RYR3: variants seen among roughly 807,000 people sequenced by gnomAD.
RYR3 encodes the protein ryanodine receptor 3.
A neutral mutation model predicts 584.3 loss-of-function variants in RYR3; 207 were observed. That is an observed-to-expected ratio of 0.35 (90% CI 0.32 to 0.40). The LOEUF (loss-of-function observed/expected upper bound fraction) is 0.40. Among genes scored for constraint, RYR3 ranks in the 10% least tolerant of loss-of-function variants. The pLI is 1.00. For missense variants in RYR3, 5,616 were observed against 6,089.2 expected (o/e 0.92, Z 2.59); for synonymous variants, 2,416 against 2,248.5 (o/e 1.07, Z -2.11).
chr15:33,603,449 A>C (rs1029617501), intron 18 of RYR3, 85 bp downstream of exon 18: 2 of 1,367,112 alleles, frequency 1.5e-6, no homozygotes, highest in African/African-American at 2.9e-5. Context: ...GACCACTTCC[A>C]TTTGAAATGA....
At chr15:33,544,298 A>G (rs1329152965) in intron 8 of RYR3, among the ~76,000 whole-genome samples, 1 of 152,164 alleles carries the variant, frequency 6.6e-6, no homozygotes, top group African/African-American at 2.4e-5. Flanking sequence ...CATCAAAGGA[A>G]CAGAACATAA....
intron 3 of RYR3, among the ~76,000 whole-genome samples, chr15:33,510,952 A>G (rs1231844628): frequency 2.0e-5 from 3 of 152,160 alleles, no homozygotes; most frequent in African/African-American, 7.2e-5. Context: ...TCATTTTTGG[A>G]CTGGCCTTTT....
chr15:33,599,984 G>A (rs115002831), intron 16 of RYR3, among the ~76,000 whole-genome samples: 1,642 of 152,180 alleles, frequency 0.011, 36 homozygotes, highest in African/African-American at 0.038. Context: ...TCACTCCAAG[G>A]CAAAACAGAT....
At chr15:33,855,348 C>CGTG in intron 98 of RYR3, among the ~76,000 whole-genome samples, 1 of 152,172 alleles carries the variant, frequency 6.6e-6, no homozygotes, top group Non-Finnish European at 1.5e-5. Context: ...GGATTACAGG[C>CGTG]ACATGCCACC....
At chr15:33,370,991 C>A (rs1251930866) in intron 1 of RYR3, among the ~76,000 whole-genome samples, 1 of 152,206 alleles carries the variant, frequency 6.6e-6, no homozygotes. Context: ...CCAAGAACAA[C>A]AGTTTCTGGC....
At chr15:33,708,687 A>T (rs1417641033) in intron 43 of RYR3, among the ~76,000 whole-genome samples, 1 of 152,246 alleles carries the variant, frequency 6.6e-6, no homozygotes, top group South Asian at 2.1e-4. Context: ...TTTCGGTGCC[A>T]CAAAAGAAAT....
chr15:33,671,780 G>A (rs2063850721), intron 38 of RYR3, among the ~76,000 whole-genome samples: 1 of 147,024 alleles, frequency 6.8e-6, no homozygotes, highest in African/African-American at 2.5e-5. Context: ...TTTGAAAGTG[G>A]TTGCTTCTTT....
At chr15:33,677,305 T>C (rs967098366) in intron 38 of RYR3, among the ~76,000 whole-genome samples, 5 of 152,140 alleles carry the variant, frequency 3.3e-5, no homozygotes, top group African/African-American at 7.2e-5. Context: ...TTATTCTCTA[T>C]ATTGAAACTA....
chr15:33,755,387 G>A (rs754890916), intron 58 of RYR3, among the ~76,000 whole-genome samples: 1 of 152,106 alleles, frequency 6.6e-6, no homozygotes, highest in Non-Finnish European at 1.5e-5. Flanking sequence ...TTGGGAGGCC[G>A]AGGCGGGCGG....
chr15:33,864,190 G>A lies in RYR3; in HGVS notation c.14517+1G>A, dbSNP rs1219437484. 1.2e-6 allele frequency: 2 copies of A among 1,609,136 alleles called. No individual in the cohort carries two copies. The highest frequency in any genetic ancestry group is 8.5e-7 in the Non-Finnish European group (1 of 1,177,040). On this transcript the variant is annotated splice_donor_variant, in intron 103 of 103. Transcript: ENST00000634891. LOFTEE classifies it high-confidence loss of function. ...AGATGAAACAGAGCACACGGGTCAG[G>A]TGAGAAATTAAGAATCATATACCCG...
chr15:33,645,225 A>G (rs940624196), intron 28 of RYR3, among the ~76,000 whole-genome samples: 3 of 152,142 alleles, frequency 2.0e-5, no homozygotes, highest in African/African-American at 7.2e-5. Flanking sequence ...GGAGCCAAAG[A>G]TTGTAAGGAG....
At chr15:33,659,491 G>A (rs2063019084) in intron 32 of RYR3, among the ~76,000 whole-genome samples, 1 of 152,234 alleles carries the variant, frequency 6.6e-6, no homozygotes, top group Non-Finnish European at 1.5e-5. Context: ...GAGAAAAAAT[G>A]AAAGGACCTG....
intron 38 of RYR3, among the ~76,000 whole-genome samples, chr15:33,682,837 C>CAA (rs2064724935): frequency 6.6e-6 from 1 of 152,084 alleles, no homozygotes; most frequent in African/African-American, 2.4e-5. Flanking sequence ...GGCGTCCTTA[C>CAA]TATGTGTGGT....
chr15:33,672,782 A>G (rs2063925500), intron 38 of RYR3, among the ~76,000 whole-genome samples: 1 of 151,982 alleles, frequency 6.6e-6, no homozygotes, highest in Non-Finnish European at 1.5e-5. Context: ...ATAGTGTTAG[A>G]AACGTTATAC....
intron 27 of RYR3, among the ~76,000 whole-genome samples, chr15:33,639,251 A>T (rs968633485): frequency 1.3e-5 from 2 of 152,224 alleles, no homozygotes; most frequent in African/African-American, 2.4e-5. Context: ...GATGCTGTTT[A>T]ATAATAGAAT....
intron 31 of RYR3, 128 bp downstream of exon 31, chr15:33,649,363 C>G: frequency 1.1e-6 from 1 of 883,760 alleles, no homozygotes; most frequent in Non-Finnish European, 1.7e-6. Flanking sequence ...AAATGAAGCA[C>G]AGACTTCAAA....
At chr15:33,706,648 G>T (rs528217939) in intron 42 of RYR3, among the ~76,000 whole-genome samples, 1 of 152,154 alleles carries the variant, frequency 6.6e-6, no homozygotes, top group Non-Finnish European at 1.5e-5. Context: ...CAGTGGCCAC[G>T]TGGGTTGCTT....
At chr15:33,712,087 G>C (rs1435926711) in intron 43 of RYR3, among the ~76,000 whole-genome samples, 1 of 152,164 alleles carries the variant, frequency 6.6e-6, no homozygotes, top group African/African-American at 2.4e-5. Context: ...GCTTTCAATT[G>C]TGGCAGAAGG....
chr15:33,548,697 T>C (rs2056438617), intron 9 of RYR3, among the ~76,000 whole-genome samples: 1 of 152,204 alleles, frequency 6.6e-6, no homozygotes, highest in African/African-American at 2.4e-5. Context: ...GACAGTTTTG[T>C]CCCTTGGTGG....
Sources: allele counts gnomAD v4.1 joint callset (sites outside exome capture counted in the v4.1 genomes callset), GRCh38; gene constraint gnomAD v4.1.1; transcripts MANE v1.5; gene names NCBI Gene and HGNC (gene_info 2026-07-23, HGNC 2026-07-21).